Variants in ROBO2 observed in about 807,000 individuals in gnomAD.
The protein encoded by ROBO2 is roundabout guidance receptor 2.
Under a neutral mutation model 160.8 loss-of-function variants are expected in ROBO2, and 53 were observed. The ratio of observed to expected loss-of-function variants is 0.33; its 90% CI spans 0.26 to 0.41. The LOEUF is 0.41. Ranked by LOEUF, ROBO2 falls within the 10% of genes least tolerant of loss-of-function variation. The pLI is 1.00. For synonymous variants in ROBO2, 664 were observed against 611.7 expected (o/e 1.09, Z -1.26); for missense variants, 1,577 against 1,722.4 (o/e 0.92, Z 1.49).
At chr3:76,869,206 C>T (rs1434725116) in intron 2 of ROBO2, among the ~76,000 whole-genome samples, 1 of 152,078 alleles carries the variant, frequency 6.6e-6, no homozygotes, top group Non-Finnish European at 1.5e-5. Context: ...GTCGTCCTAA[C>T]CATTGGGTAA....
chr3:76,547,288 T>G (rs1342479970), intron 2 of ROBO2, among the ~76,000 whole-genome samples: 1 of 150,826 alleles, frequency 6.6e-6, no homozygotes, highest in East Asian at 1.9e-4. Context: ...CTTATGTATA[T>G]GCTGTCAGAT....
intron 2 of ROBO2, among the ~76,000 whole-genome samples, chr3:76,833,726 C>T (rs904022553): frequency 1.8e-4 from 27 of 152,246 alleles, no homozygotes; most frequent in Middle Eastern, 6.8e-3. Context: ...CTCGTAACTT[C>T]CCCTCTCATC....
chr3:76,057,198 G>A (rs2067879417), intron 2 of ROBO2, among the ~76,000 whole-genome samples: 3 of 151,990 alleles, frequency 2.0e-5, no homozygotes, highest in South Asian at 2.1e-4. Flanking sequence ...AGGCGTATGC[G>A]GGCTTATTCA....
chr3:77,076,069 G>T (rs370775878), intron 1 of ROBO2, among the ~76,000 whole-genome samples: 1 of 148,734 alleles, frequency 6.7e-6, no homozygotes, highest in Non-Finnish European at 1.5e-5. Context: ...GGGAAAAAAA[G>T]AAAAAAAAAG....
chr3:76,218,845 A>T (rs370686118), intron 2 of ROBO2, among the ~76,000 whole-genome samples: 1 of 152,152 alleles, frequency 6.6e-6, no homozygotes, highest in Non-Finnish European at 1.5e-5. Context: ...AAAAGAGCCC[A>T]CATCGCCAAG....
chr3:77,648,937 A>G (rs562621532), exon 26 of ROBO2: 1 of 152,306 alleles, frequency 6.6e-6, no homozygotes, highest in Admixed American at 6.5e-5. Flanking sequence ...CAATGCTGCA[A>G]TGCAATCATG....
chr3:77,020,682 G>A (rs2062576181), intron 2 of ROBO2, among the ~76,000 whole-genome samples: 1 of 152,216 alleles, frequency 6.6e-6, no homozygotes, highest in South Asian at 2.1e-4. Flanking sequence ...ACATTAGAAA[G>A]CTTTATTTTT....
chr3:77,081,575 A>T (rs2068661755), intron 1 of ROBO2, among the ~76,000 whole-genome samples: 1 of 152,222 alleles, frequency 6.6e-6, no homozygotes, highest in African/African-American at 2.4e-5. Flanking sequence ...AGAAATAATC[A>T]TGATACAGGC....
At chr3:76,704,409 A>T (rs2093113947) in intron 2 of ROBO2, among the ~76,000 whole-genome samples, 1 of 152,108 alleles carries the variant, frequency 6.6e-6, no homozygotes, top group Non-Finnish European at 1.5e-5. Flanking sequence ...CATTTGTGCA[A>T]AATGGCATGT....
intron 2 of ROBO2, among the ~76,000 whole-genome samples, chr3:76,236,948 T>C (rs1704984542): frequency 6.6e-6 from 1 of 152,128 alleles, no homozygotes; most frequent in Non-Finnish European, 1.5e-5. Context: ...TAACATTTTA[T>C]GAGTTAAATT....
intron 2 of ROBO2, among the ~76,000 whole-genome samples, chr3:77,164,443 G>T (rs1189852764): frequency 7.6e-6 from 1 of 131,294 alleles, no homozygotes; most frequent in African/African-American, 2.8e-5. Context: ...AGGTGGGGGG[G>T]TCAGCCCCCC....
intron 2 of ROBO2, among the ~76,000 whole-genome samples, chr3:76,282,822 G>A (rs372892091): frequency 6.6e-6 from 1 of 151,684 alleles, no homozygotes; most frequent in South Asian, 2.1e-4. Context: ...TGCATGCTGT[G>A]CTTTGCAAAA....
chr3:76,700,911 CTG>C (rs1397481996), intron 2 of ROBO2, among the ~76,000 whole-genome samples: 1 of 152,116 alleles, frequency 6.6e-6, no homozygotes, highest in African/African-American at 2.4e-5. Flanking sequence ...TTAAATACCA[CTG>C]TGTTGGACAT....
At chr3:77,500,147 C>T (rs1041768702) in intron 5 of ROBO2, among the ~76,000 whole-genome samples, 8 of 152,076 alleles carry the variant, frequency 5.3e-5, no homozygotes, top group Non-Finnish European at 1.2e-4. Flanking sequence ...AAGCATAAAA[C>T]CATTATTATA....
intron 2 of ROBO2, among the ~76,000 whole-genome samples, chr3:75,975,142 A>G (rs184092468): frequency 7.0e-4 from 106 of 151,654 alleles, no homozygotes; most frequent in Admixed American, 2.5e-3. Flanking sequence ...TAGTTGGCAG[A>G]TATCTAGACA....
At chr3:76,569,233 T>G (rs2108581212) in intron 2 of ROBO2, among the ~76,000 whole-genome samples, 1 of 152,230 alleles carries the variant, frequency 6.6e-6, no homozygotes, top group African/African-American at 2.4e-5. Flanking sequence ...GTGTTTCAGT[T>G]CAGAAGTTTT....
intron 2 of ROBO2, among the ~76,000 whole-genome samples, chr3:76,964,696 C>G (rs929450462): frequency 2.6e-5 from 4 of 152,170 alleles, no homozygotes; most frequent in African/African-American, 9.7e-5. Context: ...GTCATTCCAT[C>G]TCTTCGATTG....
At chr3:76,349,740 C>G (rs965550794) in intron 2 of ROBO2, among the ~76,000 whole-genome samples, 1 of 152,032 alleles carries the variant, frequency 6.6e-6, no homozygotes, top group African/African-American at 2.4e-5. Context: ...AGTTATTACT[C>G]ACAGCAATAG....
chr3:76,732,945 T>C lies in ROBO2; in HGVS notation c.110-365069T>C, dbSNP rs149149872. Among the ~76,000 whole-genome samples, 204 of 144,460 alleles carry C rather than the reference T, an allele frequency of 1.4e-3. 2 individuals are homozygous for C. Among genetic ancestry groups the C allele is most frequent in the Non-Finnish European group, 2.2e-3 (145 of 67,014 alleles). 94.8% of individuals were successfully genotyped at this position (144,460 alleles called of 152,430 possible). On this transcript the variant is annotated intron_variant, in intron 2 of 26. Coordinates refer to the ROBO2 transcript ENST00000487694. Reference sequence around the variant, plus strand: ...AGTCATGTAGTCTTCCTTATGGCCCTGAAGTGTTCATTTCTGAGCATACTG... The same window carrying C: ...AGTCATGTAGTCTTCCTTATGGCCCCGAAGTGTTCATTTCTGAGCATACTG...
Sources: gnomAD v4.1 joint callset for allele counts (sites outside exome capture counted in the v4.1 genomes callset) on GRCh38, gnomAD v4.1.1 for gene constraint, MANE v1.5 for transcripts, NCBI Gene and HGNC (gene_info 2026-07-23, HGNC 2026-07-21) for gene names.